The following CNTNAP2 variants were observed in gnomAD, a reference collection of about 807,000 sequenced individuals.
The protein encoded by CNTNAP2 is contactin-associated protein-like 2.
Under a neutral mutation model 155.2 loss-of-function variants are expected in CNTNAP2, and 98 were observed. The observed-to-expected ratio is 0.63, with a 90% CI of 0.54 to 0.75. The LOEUF (loss-of-function observed/expected upper bound fraction) is 0.75. Ranked by LOEUF, CNTNAP2 falls within the 30% of genes least tolerant of loss-of-function variation. The pLI is 0.00. For missense variants in CNTNAP2, 1,727 were observed against 1,688.1 expected, an observed-to-expected ratio of 1.02 and a Z score of -0.40; for synonymous variants, 651 against 631.2, an observed-to-expected ratio of 1.03 and a Z score of -0.47.
chr7:146,721,814 A>ACATATATAGAC (rs1238019744), intron 1 of CNTNAP2, among the ~76,000 whole-genome samples: 7 of 116,992 alleles, frequency 6.0e-5, no homozygotes, highest in African/African-American at 2.8e-4. Context: ...TATATAGTCT[A>ACATATATAGAC]TATATGTAGA....
chr7:146,341,646 G>A (rs1794731173), intron 1 of CNTNAP2, among the ~76,000 whole-genome samples: 1 of 152,020 alleles, frequency 6.6e-6, no homozygotes. Flanking sequence ...TGATAAATCT[G>A]CTTTATAATT....
At chr7:147,544,480 G>A (rs1799694783) in intron 11 of CNTNAP2, among the ~76,000 whole-genome samples, 1 of 151,870 alleles carries the variant, frequency 6.6e-6, no homozygotes, top group East Asian at 1.9e-4. Flanking sequence ...ATTTATTTCT[G>A]GCAAAAATGA....
At position 148,223,669 on chromosome 7, in the gene CNTNAP2, A is replaced by G. The variant is rs1023437109; in HGVS notation, c.3248-5977A>G. On this transcript the variant is annotated intron_variant, in intron 19 of 23. Coordinates refer to ENST00000361727, the MANE Select transcript of CNTNAP2 (RefSeq NM_014141.6). ...CATTTAAATTGGATTATTCAAGAATATCACCATTACTGTTTATAGATAGTC... is the reference window on the plus strand; with the variant it reads ...CATTTAAATTGGATTATTCAAGAATGTCACCATTACTGTTTATAGATAGTC... Among the ~76,000 whole-genome samples, 8 of 152,344 alleles carry G rather than the reference A, an allele frequency of 5.3e-5. No homozygotes were observed. In the South Asian group the frequency reaches 1.4e-3, roughly 28 times the overall value.
intron 22 of CNTNAP2, among the ~76,000 whole-genome samples, chr7:148,388,197 GGTTA>G (rs1438233493): frequency 1.3e-5 from 2 of 152,116 alleles, no homozygotes; most frequent in Non-Finnish European, 1.5e-5. Context: ...ACATTGTGCA[GGTTA>G]GTTACATATG....
chr7:146,973,232 T>G (rs905423874), intron 3 of CNTNAP2, among the ~76,000 whole-genome samples: 3 of 152,270 alleles, frequency 2.0e-5, no homozygotes, highest in Non-Finnish European at 2.9e-5. Flanking sequence ...TTCACCATGT[T>G]GACCAGGCTG....
chr7:146,771,752 T>C (rs919312315), intron 1 of CNTNAP2, among the ~76,000 whole-genome samples: 10 of 152,218 alleles, frequency 6.6e-5, no homozygotes, highest in Non-Finnish European at 1.3e-4. Flanking sequence ...TAATAATTCA[T>C]TTCTCCAGTA....
At chr7:148,361,626 C>T (rs566798500) in intron 21 of CNTNAP2, among the ~76,000 whole-genome samples, 3 of 152,198 alleles carry the variant, frequency 2.0e-5, no homozygotes, top group Non-Finnish European at 4.4e-5. Flanking sequence ...TGCGTCTTCT[C>T]TTTTTATAAG....
At chr7:146,778,973 C>T (rs1802436668) in intron 2 of CNTNAP2, among the ~76,000 whole-genome samples, 1 of 152,150 alleles carries the variant, frequency 6.6e-6, no homozygotes, top group African/African-American at 2.4e-5. Flanking sequence ...GTTTTGGGAA[C>T]CCAGGGGACT....
At chr7:147,354,455 G>C (rs1262799586) in intron 9 of CNTNAP2, among the ~76,000 whole-genome samples, 2 of 152,098 alleles carry the variant, frequency 1.3e-5, no homozygotes, top group African/African-American at 4.8e-5. Context: ...TAGATGTGTG[G>C]TGTCATTTCT....
chr7:148,129,909 G>T (rs546616480), intron 16 of CNTNAP2, among the ~76,000 whole-genome samples: 55 of 152,280 alleles, frequency 3.6e-4, no homozygotes, highest in Non-Finnish European at 7.5e-4. Context: ...TAAGGATGAT[G>T]GGGGGAGGGA....
intron 13 of CNTNAP2, among the ~76,000 whole-genome samples, chr7:147,739,447 A>G (rs988312491): frequency 2.6e-5 from 4 of 152,158 alleles, no homozygotes; most frequent in Admixed American, 2.0e-4. Context: ...AGCTATTGAC[A>G]TGTTGAATAA....
chr7:146,122,615 G>A (rs1338491820), intron 1 of CNTNAP2, among the ~76,000 whole-genome samples: 1 of 151,894 alleles, frequency 6.6e-6, no homozygotes, highest in Non-Finnish European at 1.5e-5. Context: ...TTGAGTTGAA[G>A]ATTTGGTGTT....
intron 13 of CNTNAP2, among the ~76,000 whole-genome samples, chr7:147,782,116 G>C (rs1241656985): frequency 1.3e-5 from 2 of 151,874 alleles, no homozygotes; most frequent in African/African-American, 4.8e-5. Flanking sequence ...TCCAGTGCGT[G>C]TCTAATACCC....
intron 14 of CNTNAP2, among the ~76,000 whole-genome samples, chr7:147,946,001 G>A (rs1043954848): frequency 5.9e-5 from 9 of 151,374 alleles, no homozygotes; most frequent in African/African-American, 2.2e-4. Flanking sequence ...CTAAGTAGCT[G>A]GGATTACAGA....
chr7:147,038,586 C>T (rs942044308), intron 3 of CNTNAP2, among the ~76,000 whole-genome samples: 4 of 152,140 alleles, frequency 2.6e-5, no homozygotes, highest in Admixed American at 2.6e-4. Context: ...GGGAAGAGCA[C>T]CTCCATTCCT....
At chr7:146,387,312 G>A (rs866879500) in intron 1 of CNTNAP2, among the ~76,000 whole-genome samples, 8 of 152,132 alleles carry the variant, frequency 5.3e-5, no homozygotes, top group South Asian at 2.1e-4. Context: ...GAGAGAACAA[G>A]AGCAGACATT....
At chr7:147,710,446 G>A (rs952088423) in intron 13 of CNTNAP2, among the ~76,000 whole-genome samples, 7 of 152,008 alleles carry the variant, frequency 4.6e-5, no homozygotes, top group African/African-American at 1.7e-4. Context: ...ATCTTTTCAA[G>A]AATCCTTTCT....
intron 1 of CNTNAP2, among the ~76,000 whole-genome samples, chr7:146,494,303 C>T (rs1422903657): frequency 6.6e-6 from 1 of 151,594 alleles, no homozygotes; most frequent in Non-Finnish European, 1.5e-5. Flanking sequence ...CACTGCACTC[C>T]AGCCTGGGCC....
intron 11 of CNTNAP2, among the ~76,000 whole-genome samples, chr7:147,490,151 T>A (rs1798580886): frequency 2.0e-5 from 3 of 152,184 alleles, no homozygotes; most frequent in African/African-American, 7.2e-5. Flanking sequence ...GAGATTTTCA[T>A]GTTGCCCAAA....
Sources: gnomAD v4.1 joint callset for allele counts (sites outside exome capture counted in the v4.1 genomes callset) on GRCh38, gnomAD v4.1.1 for gene constraint, MANE v1.5 for transcripts, NCBI Gene and HGNC (gene_info 2026-07-23, HGNC 2026-07-21) for gene names.